Variants in TSPAN9 observed in about 807,000 individuals in gnomAD.
TSPAN9 encodes tetraspanin 9.
Under a neutral mutation model 31.0 loss-of-function variants are expected in TSPAN9, and 16 were observed. The observed-to-expected ratio is 0.52, with a 90% CI of 0.35 to 0.78. The LOEUF is 0.78. TSPAN9 is among the 30% of genes least tolerant of loss of function. The pLI, the probability that TSPAN9 is intolerant of heterozygous loss-of-function variation, is 0.01. For missense variants in TSPAN9, 272 were observed against 312.5 expected (o/e 0.87, Z 0.98); for synonymous variants, 145 against 121.6 (o/e 1.19, Z -1.27).
intron 3 of TSPAN9, among the ~76,000 whole-genome samples, chr12:3,252,041 T>C (rs1175787520): frequency 6.6e-6 from 1 of 151,892 alleles, no homozygotes; most frequent in Non-Finnish European, 1.5e-5. Context: ...TGAGGGGTCG[T>C]TTTTTACTTT....
At chr12:3,169,809 T>G (rs1035576740) in intron 2 of TSPAN9, among the ~76,000 whole-genome samples, 4 of 152,080 alleles carry the variant, frequency 2.6e-5, no homozygotes, top group Admixed American at 1.3e-4. Context: ...GAAGATCGTA[T>G]CAGGTGTCAG....
chr12:3,255,252 C>G (rs1487599029), intron 3 of TSPAN9, among the ~76,000 whole-genome samples: 2 of 152,228 alleles, frequency 1.3e-5, no homozygotes, highest in African/African-American at 4.8e-5. Flanking sequence ...TTAGGCGAGC[C>G]CGGGTGAGCT....
intron 2 of TSPAN9, among the ~76,000 whole-genome samples, chr12:3,153,503 C>T (rs572483396): frequency 6.6e-6 from 1 of 152,008 alleles, no homozygotes; most frequent in African/African-American, 2.4e-5. Context: ...TATTTGCTTT[C>T]TTTAACATTT....
intron 2 of TSPAN9, among the ~76,000 whole-genome samples, chr12:3,089,541 C>T (rs1040151783): frequency 1.7e-4 from 26 of 151,902 alleles, no homozygotes; most frequent in South Asian, 4.2e-4. Context: ...GTGATCCGCC[C>T]TCCTTGGCCT....
At chr12:3,092,743 C>G (rs942086134) in intron 2 of TSPAN9, among the ~76,000 whole-genome samples, 1 of 152,220 alleles carries the variant, frequency 6.6e-6, no homozygotes, top group East Asian at 1.9e-4. Context: ...TTGGATGTCC[C>G]CGTAAGGACA....
chr12:3,283,761 G>A lies in TSPAN9; in HGVS notation c.*645G>A, dbSNP rs1302137640. The A allele has an allele frequency of 1.3e-5, 2 of 152,652 alleles. No homozygotes were observed. Among genetic ancestry groups the A allele is most frequent in the African/African-American group, 4.8e-5 (2 of 41,454 alleles). The allele number at this position is 152,652 out of a possible 1,614,324, so 9.5% of individuals were successfully genotyped here. Reference sequence around the variant, plus strand: ...TTTTTTCCCTGAGGGTGAGGGATGGGTGGGAAGAGAGGACATCTGTCCAGT... The same window carrying A: ...TTTTTTCCCTGAGGGTGAGGGATGGATGGGAAGAGAGGACATCTGTCCAGT... On this transcript the variant is annotated 3_prime_UTR_variant, in exon 9 of 9. Coordinates refer to ENST00000011898, the MANE Select transcript of TSPAN9 (RefSeq NM_006675.5).
chr12:3,274,400 G>T (rs1347970827), intron 3 of TSPAN9, among the ~76,000 whole-genome samples: 1 of 116,048 alleles, frequency 8.6e-6, no homozygotes, highest in African/African-American at 3.4e-5. Flanking sequence ...CTAGGGAGCA[G>T]CATGATGAGA....
chr12:3,275,326 G>A (rs1386245271), intron 3 of TSPAN9, among the ~76,000 whole-genome samples: 1 of 152,186 alleles, frequency 6.6e-6, no homozygotes, highest in Non-Finnish European at 1.5e-5. Flanking sequence ...AAGGGTCCGG[G>A]CTCTGAGCTC....
intron 2 of TSPAN9, among the ~76,000 whole-genome samples, chr12:3,185,723 G>A (rs115262646): frequency 0.02 from 3,100 of 152,332 alleles, 99 homozygotes; most frequent in African/African-American, 0.07. Context: ...GCCTGATGGG[G>A]CAGCCGCCTG....
chr12:3,223,744 T>G (rs1347631759), intron 3 of TSPAN9, among the ~76,000 whole-genome samples: 1 of 152,186 alleles, frequency 6.6e-6, no homozygotes, highest in East Asian at 1.9e-4. Context: ...GGACTACAAG[T>G]GTTTTCTAAC....
intron 2 of TSPAN9, among the ~76,000 whole-genome samples, chr12:3,136,167 T>C (rs1209556499): frequency 1.3e-5 from 2 of 152,154 alleles, no homozygotes; most frequent in African/African-American, 4.8e-5. Flanking sequence ...ACAGCAAACA[T>C]GTAGGAAGCA....
In TSPAN9 at chr12:3,083,722, C is replaced by G. The variant is rs1273149715; in HGVS notation, c.-18+3C>G. 1.3e-5 allele frequency: 2 copies of G among 152,326 alleles called. No homozygotes were observed. Among genetic ancestry groups the G allele is most frequent in the East Asian group, 3.9e-4 (2 of 5,180 alleles). The allele number at this position is 152,326 out of a possible 1,614,324, so 9.4% of individuals were successfully genotyped here. A position where few individuals can be genotyped will look rare whatever the true frequency, so the allele number is the denominator to read the frequency against. ...TCCAGGAAGTTCAGAGAGAACAGGT[C>G]AGTGTTGGTCCGGGTCCATTGTGGG... On this transcript the variant is annotated splice_donor_region_variant and intron_variant, in intron 2 of 8. Transcript: ENST00000011898.
chr12:3,085,306 G>C (rs2098299885), intron 2 of TSPAN9, among the ~76,000 whole-genome samples: 1 of 151,948 alleles, frequency 6.6e-6, no homozygotes, highest in African/African-American at 2.4e-5. Flanking sequence ...GCCTGTTCCT[G>C]GTGGGCCCTG....
chr12:3,126,327 G>C (rs1333894007), intron 2 of TSPAN9, among the ~76,000 whole-genome samples: 2 of 152,202 alleles, frequency 1.3e-5, no homozygotes, highest in Non-Finnish European at 2.9e-5. Flanking sequence ...CACAAACCTG[G>C]ATGGTATGGC....
chr12:3,276,624 C>A (rs907273873), intron 3 of TSPAN9, among the ~76,000 whole-genome samples: 1 of 152,230 alleles, frequency 6.6e-6, no homozygotes, highest in South Asian at 2.1e-4. Context: ...CACACCCTCC[C>A]CAGTTATTTT....
rs1189391230 is a variant in TSPAN9 at position 3,177,752 on chromosome 12, G to GT, written c.-17-23424dup. ...CCAGCCTTAACCTGCTAGGTAAACA[G>GT]TGATGGCTTGGTTGTTTTAATTTGG... On this transcript the variant is annotated intron_variant, in intron 2 of 8. Transcript: ENST00000011898. 5.9e-5 allele frequency among the ~76,000 whole-genome samples: 9 copies of GT among 152,372 alleles called. No homozygotes were observed. In the East Asian group the frequency reaches 1.7e-3, roughly 29 times the overall value.
chr12:3,194,066 A>G (rs2098365888), intron 2 of TSPAN9, among the ~76,000 whole-genome samples: 1 of 152,214 alleles, frequency 6.6e-6, no homozygotes, highest in Non-Finnish European at 1.5e-5. Context: ...CAAGGCTGTC[A>G]GGCTGTCCTT....
chr12:3,152,182 C>T (rs553985603), intron 2 of TSPAN9, among the ~76,000 whole-genome samples: 2 of 152,310 alleles, frequency 1.3e-5, no homozygotes, highest in South Asian at 2.1e-4. Context: ...TTCCAAGGCA[C>T]CCCCCTCTGT....
chr12:3,183,785 T>C lies in TSPAN9; in HGVS notation c.-17-17392T>C, dbSNP rs181549018. On this transcript the variant is annotated intron_variant, in intron 2 of 8. Coordinates refer to ENST00000011898, the MANE Select transcript of TSPAN9 (RefSeq NM_006675.5). ...TTGGGAAAGAACACTGGACTAGATG[T>C]ATGAAGACCCGGGTTCCAGTCTACT... is the stretch of plus-strand genomic sequence containing the variant. Among the ~76,000 whole-genome samples, 621 of 152,270 alleles carry C rather than the reference T, an allele frequency of 4.1e-3. 3 individuals carry two copies. Among genetic ancestry groups the C allele is most frequent in the South Asian group, 0.012 (60 of 4,822 alleles).
Sources: gnomAD v4.1 joint callset for allele counts (sites outside exome capture counted in the v4.1 genomes callset) on GRCh38, gnomAD v4.1.1 for gene constraint, MANE v1.5 for transcripts, NCBI Gene and HGNC (gene_info 2026-07-23, HGNC 2026-07-21) for gene names.